The following SEC24D variants were observed in gnomAD, a reference collection of about 807,000 sequenced individuals.
The protein encoded by SEC24D is SEC24 homolog D, COPII component, also known as protein transport protein Sec24D.
SEC24D carries 69 observed loss-of-function variants against 116.9 expected under a neutral mutation model. The observed-to-expected ratio is 0.59, with a 90% CI of 0.49 to 0.72. SEC24D has a LOEUF of 0.72. Among genes scored for constraint, SEC24D ranks in the 30% least tolerant of loss-of-function variants. SEC24D has a pLI of 0.00. For synonymous variants in SEC24D, 405 were observed against 442.8 expected (o/e 0.91, Z 1.07); for missense variants, 1,131 against 1,264.1 (o/e 0.89, Z 1.60).
At chr4:118,731,782 G>A (rs1725696741) in intron 20 of SEC24D, among the ~76,000 whole-genome samples, 1 of 152,198 alleles carries the variant, frequency 6.6e-6, no homozygotes, top group African/African-American at 2.4e-5. Flanking sequence ...AAAGTGGGAT[G>A]GGGTGTGTCG....
intron 18 of SEC24D, 152 bp downstream of exon 18, chr4:118,738,997 A>C: frequency 1.5e-6 from 1 of 688,206 alleles, no homozygotes; most frequent in Non-Finnish European, 2.5e-6. Context: ...TAGAGTTAGG[A>C]ATGCTGACTA....
chr4:118,767,807 T>C (rs1157656562), intron 9 of SEC24D, among the ~76,000 whole-genome samples: 1 of 152,192 alleles, frequency 6.6e-6, no homozygotes, highest in Non-Finnish European at 1.5e-5. Context: ...AAGAATAACC[T>C]TGAGAAGTGA....
intron 8 of SEC24D, among the ~76,000 whole-genome samples, chr4:118,794,565 G>A (rs551330176): frequency 8.3e-4 from 127 of 152,250 alleles, no homozygotes; most frequent in Admixed American, 1.4e-3. Context: ...GCAGGTTTCC[G>A]TCAAGGTAGA....
intron 6 of SEC24D, among the ~76,000 whole-genome samples, chr4:118,806,312 A>G (rs938983916): frequency 6.6e-6 from 1 of 151,860 alleles, no homozygotes; most frequent in African/African-American, 2.4e-5. Flanking sequence ...ATAGGTAAGC[A>G]TTTTCTTTCT....
intron 8 of SEC24D, 85 bp downstream of exon 8, chr4:118,797,598 A>G: frequency 9.8e-7 from 1 of 1,023,440 alleles, no homozygotes; most frequent in Non-Finnish European, 1.4e-6. Context: ...TGTTTATATT[A>G]TAGAATAATG....
intron 17 of SEC24D, among the ~76,000 whole-genome samples, chr4:118,740,158 C>G (rs949097195): frequency 5.3e-5 from 8 of 152,128 alleles, no homozygotes; most frequent in African/African-American, 1.9e-4. Context: ...TGTGAAGACA[C>G]AGGGAGAAGA....
chr4:118,752,683 CA>C lies in SEC24D; in HGVS notation c.1613+13del. 2 of 1,562,658 alleles carry C rather than the reference CA, an allele frequency of 1.3e-6. No individual in the cohort carries two copies. The highest frequency in any genetic ancestry group is 4.6e-5 in the East Asian group (2 of 43,640). On this transcript the variant is annotated intron_variant, in intron 12 of 22. Coordinates refer to ENST00000280551, the MANE Select transcript of SEC24D (RefSeq NM_014822.4). ...CCTGATTTACTTTTAAATTATAAAA[CA>C]CTTGATATTTACTTATGAATCACAG...
At chr4:118,752,381 CCAT>C (rs1726882751) in intron 12 of SEC24D, among the ~76,000 whole-genome samples, 1 of 152,110 alleles carries the variant, frequency 6.6e-6, no homozygotes, top group Admixed American at 6.6e-5. Context: ...TCAGTTATTA[CCAT>C]CATCATTGAA....
intron 13 of SEC24D, among the ~76,000 whole-genome samples, chr4:118,750,379 G>T (rs563331585): frequency 6.6e-6 from 1 of 152,324 alleles, no homozygotes; most frequent in Admixed American, 6.5e-5. Context: ...AACCATTGTT[G>T]TAAGATAGCA....
chr4:118,832,737 C>A (rs553339564), intron 2 of SEC24D, among the ~76,000 whole-genome samples: 1 of 152,032 alleles, frequency 6.6e-6, no homozygotes, highest in South Asian at 2.1e-4. Flanking sequence ...GCTTTTAGGG[C>A]CAGATTTCGA....
At chr4:118,755,826 T>C (rs1442241376) in intron 11 of SEC24D, among the ~76,000 whole-genome samples, 1 of 152,074 alleles carries the variant, frequency 6.6e-6, no homozygotes, top group African/African-American at 2.4e-5. Context: ...AAAGATAAAG[T>C]AGAAAAAGGT....
chr4:118,745,203 T>A, intron 13 of SEC24D, 143 bp from the exon 14 acceptor site: 2 of 581,210 alleles, frequency 3.4e-6, no homozygotes, highest in Non-Finnish European at 6.1e-6. Context: ...AACCTTTGTG[T>A]CCTTGGGCAG....
intron 1 of SEC24D, among the ~76,000 whole-genome samples, chr4:118,834,564 G>C (rs1253002960): frequency 4.0e-5 from 6 of 151,576 alleles, no homozygotes; most frequent in African/African-American, 1.2e-4. Flanking sequence ...CAAAATAAGA[G>C]ATATTTCATA....
chr4:118,743,477 G>C (rs1192207153), intron 15 of SEC24D, among the ~76,000 whole-genome samples: 1 of 151,952 alleles, frequency 6.6e-6, no homozygotes, highest in East Asian at 1.9e-4. Context: ...TGGCATATTT[G>C]CATATAACCT....
intron 9 of SEC24D, 110 bp from the exon 10 acceptor site, chr4:118,765,027 G>C (rs1727575310): frequency 1.5e-6 from 1 of 651,144 alleles, no homozygotes; most frequent in Non-Finnish European, 2.7e-6. Flanking sequence ...CTGGAAAAAT[G>C]TATTTTAAAG....
chr4:118,831,393 T>C (rs1730851571), intron 2 of SEC24D, among the ~76,000 whole-genome samples: 1 of 151,452 alleles, frequency 6.6e-6, no homozygotes, highest in Non-Finnish European at 1.5e-5. Context: ...ATGATGCTAA[T>C]GAGTGAGATT....
chr4:118,773,167 A>G (rs1054058647), intron 8 of SEC24D, among the ~76,000 whole-genome samples: 3 of 150,970 alleles, frequency 2.0e-5, no homozygotes, highest in African/African-American at 7.3e-5. Flanking sequence ...TATTTCCTTC[A>G]TTAGAAGTAT....
intron 8 of SEC24D, among the ~76,000 whole-genome samples, chr4:118,783,261 TA>T (rs1353356074): frequency 1.3e-5 from 2 of 152,210 alleles, no homozygotes; most frequent in African/African-American, 4.8e-5. Flanking sequence ...GGTCTGAATT[TA>T]AATGACACTT....
At chr4:118,831,227 C>T (rs111284454) in intron 2 of SEC24D, among the ~76,000 whole-genome samples, 1 of 152,148 alleles carries the variant, frequency 6.6e-6, no homozygotes, top group Non-Finnish European at 1.5e-5. Context: ...CCGGGATTCA[C>T]CATGTTGGCC....
Sources: gnomAD v4.1 joint callset for allele counts (sites outside exome capture counted in the v4.1 genomes callset) on GRCh38, gnomAD v4.1.1 for gene constraint, MANE v1.5 for transcripts, NCBI Gene and HGNC (gene_info 2026-07-23, HGNC 2026-07-21) for gene names.